NDUFA5: variants seen among roughly 807,000 people sequenced by gnomAD.
The protein encoded by NDUFA5 is NADH:ubiquinone oxidoreductase subunit A5.
A neutral mutation model predicts 19.8 loss-of-function variants in NDUFA5; 11 were observed. The observed-to-expected ratio is 0.56, with a 90% CI of 0.35 to 0.92. The LOEUF (loss-of-function observed/expected upper bound fraction) is 0.92. Among genes scored for constraint, NDUFA5 ranks in the 40% least tolerant of loss-of-function variants. NDUFA5 has a pLI of 0.01. For missense variants in NDUFA5, 109 were observed against 134.2 expected (o/e 0.81, Z 0.93); for synonymous variants, 47 against 46.8 (o/e 1.00, Z -0.01).
At chr7:123,582,763 C>T in the NDUFA5 span, among the ~76,000 whole-genome samples, 1 of 152,086 alleles carries the variant, frequency 6.6e-6, no homozygotes, top group Middle Eastern at 3.4e-3. Flanking sequence ...TTTTGATCAT[C>T]TATTCATCCC....
At chr7:123,545,291 A>G (rs963123544) in intron 4 of NDUFA5, among the ~76,000 whole-genome samples, 1 of 152,154 alleles carries the variant, frequency 6.6e-6, no homozygotes, top group Non-Finnish European at 1.5e-5. Flanking sequence ...ACACTCTTAA[A>G]ATAAGATACA....
chr7:123,589,184 T>C, the NDUFA5 span, among the ~76,000 whole-genome samples: 1 of 151,808 alleles, frequency 6.6e-6, no homozygotes, highest in African/African-American at 2.4e-5. Context: ...CCTTCAGAAC[T>C]CTTAATATTT....
At chr7:123,566,848 C>A in the NDUFA5 span, among the ~76,000 whole-genome samples, 1 of 152,114 alleles carries the variant, frequency 6.6e-6, no homozygotes, top group African/African-American at 2.4e-5. Context: ...TCAAACGAGG[C>A]AATGCTGGTA....
the NDUFA5 span, among the ~76,000 whole-genome samples, chr7:123,572,697 ACT>A: frequency 8.2e-6 from 1 of 122,408 alleles, no homozygotes; most frequent in South Asian, 2.9e-4. Flanking sequence ...TAATATATTC[ACT>A]CTATCTCTTT....
chr7:123,585,193 A>C, the NDUFA5 span, among the ~76,000 whole-genome samples: 1 of 151,810 alleles, frequency 6.6e-6, no homozygotes, highest in African/African-American at 2.4e-5. Flanking sequence ...ATAATCTTGC[A>C]TTTGAATTTT....
the NDUFA5 span, among the ~76,000 whole-genome samples, chr7:123,583,939 G>A: frequency 1.3e-5 from 2 of 151,830 alleles, no homozygotes; most frequent in Admixed American, 6.6e-5. Flanking sequence ...TGATACAGTC[G>A]ATCACTCCTT....
chr7:123,579,922 G>A, the NDUFA5 span, among the ~76,000 whole-genome samples: 3 of 151,982 alleles, frequency 2.0e-5, no homozygotes, highest in East Asian at 3.9e-4. Flanking sequence ...CTCATTTATT[G>A]AATGGCCACA....
chr7:123,548,944 C>A (rs1259117020), intron 3 of NDUFA5, among the ~76,000 whole-genome samples: 4 of 151,970 alleles, frequency 2.6e-5, no homozygotes, highest in African/African-American at 4.8e-5. Flanking sequence ...TTCAAAAAAA[C>A]ACAATAAAAA....
chr7:123,567,564 A>G, the NDUFA5 span, among the ~76,000 whole-genome samples: 1 of 152,194 alleles, frequency 6.6e-6, no homozygotes, highest in Non-Finnish European at 1.5e-5. Context: ...TACCAAAGTT[A>G]GGTGGTTAAA....
chr7:123,557,906 C>T (rs1457775794), upstream of NDUFA5: 1 of 1,586,530 alleles, frequency 6.3e-7, no homozygotes, highest in African/African-American at 1.3e-5. Flanking sequence ...TTAGCTCCAC[C>T]CCTTCAGGAT....
rs916037825 is a variant in NDUFA5 at position 123,542,028 on chromosome 7, T to C, written c.*91A>G. 1.2e-6 allele frequency: 1 copy of C among 859,542 alleles called. No individual in the cohort carries two copies. Among genetic ancestry groups the C allele is most frequent in the African/African-American group, 1.8e-5 (1 of 56,622 alleles). The allele number at this position is 859,542 out of a possible 1,614,324, so 53.2% of individuals were successfully genotyped here. A position where few individuals can be genotyped will look rare whatever the true frequency, so the allele number is the denominator to read the frequency against. On this transcript the variant is annotated 3_prime_UTR_variant, in exon 5 of 5. Coordinates refer to ENST00000355749, the MANE Select transcript of NDUFA5 (RefSeq NM_005000.5). Reference sequence around the variant, plus strand: ...TATTTTCTATATCACTTTTCTTGATTACAAAATGTCAGTAATAAGAACACG... The same window carrying C: ...TATTTTCTATATCACTTTTCTTGATCACAAAATGTCAGTAATAAGAACACG...
chr7:123,561,119 G>A (rs988429796), upstream of NDUFA5, among the ~76,000 whole-genome samples: 10 of 152,136 alleles, frequency 6.6e-5, no homozygotes, highest in African/African-American at 9.7e-5. Flanking sequence ...TTGATGTAGC[G>A]TTTCATCACA....
chr7:123,587,541 C>T, the NDUFA5 span, among the ~76,000 whole-genome samples: 2 of 151,356 alleles, frequency 1.3e-5, no homozygotes, highest in African/African-American at 4.8e-5. Flanking sequence ...TTATTTCTTT[C>T]TCTTTCCTAA....
chr7:123,592,934 T>A, the NDUFA5 span, among the ~76,000 whole-genome samples: 3 of 152,174 alleles, frequency 2.0e-5, no homozygotes, highest in African/African-American at 7.2e-5. Context: ...TAAGGACTTA[T>A]TTTATGAATC....
chr7:123,590,340 T>C, the NDUFA5 span, among the ~76,000 whole-genome samples: 3 of 152,352 alleles, frequency 2.0e-5, no homozygotes, highest in Non-Finnish European at 2.9e-5. Context: ...ATCCCATTTG[T>C]CTATTTTGGC....
chr7:123,598,205 T>C, the NDUFA5 span, among the ~76,000 whole-genome samples: 1 of 152,196 alleles, frequency 6.6e-6, no homozygotes. Flanking sequence ...AATATACTTT[T>C]ATATCTAGAC....
intron 4 of NDUFA5, among the ~76,000 whole-genome samples, chr7:123,544,372 C>A (rs1476746004): frequency 1.3e-5 from 2 of 151,904 alleles, no homozygotes; most frequent in Non-Finnish European, 2.9e-5. Flanking sequence ...GTGGCACATG[C>A]CTGTAATCCT....
At chr7:123,561,407 C>T (rs1798686069), upstream of NDUFA5, among the ~76,000 whole-genome samples, 1 of 152,190 alleles carries the variant, frequency 6.6e-6, no homozygotes, top group Non-Finnish European at 1.5e-5. Flanking sequence ...ATCATCTGAT[C>T]AAGTTTTATC....
chr7:123,552,017 T>TG lies in NDUFA5; in HGVS notation c.67-1432dup, dbSNP rs1405221612. On this transcript the variant is annotated intron_variant, in intron 2 of 4. Coordinates refer to ENST00000355749, the MANE Select transcript of NDUFA5 (RefSeq NM_005000.5). ...GGACACTTAGTTTATCATCCAAACT[T>TG]GGACACTTATAACAGTGAAAAGATA... Among the ~76,000 whole-genome samples, 6 of 152,216 alleles carry TG rather than the reference T, an allele frequency of 3.9e-5. No homozygotes were observed. In the South Asian group the frequency reaches 6.2e-4, roughly 16 times the overall value.
Sources: allele counts gnomAD v4.1 joint callset (sites outside exome capture counted in the v4.1 genomes callset), GRCh38; gene constraint gnomAD v4.1.1; transcripts MANE v1.5; gene names NCBI Gene and HGNC (gene_info 2026-07-23, HGNC 2026-07-21).